The following BANP variants were observed in gnomAD, a reference collection of about 807,000 sequenced individuals.
BANP encodes the protein BTG3 associated nuclear protein, also known as protein BANP.
A neutral mutation model predicts 68.1 loss-of-function variants in BANP; 11 were observed. The ratio of observed to expected loss-of-function variants is 0.16; its 90% confidence interval spans 0.10 to 0.27. The LOEUF is 0.27. BANP is among the 10% of genes least tolerant of loss of function. The pLI is 1.00. For missense variants in BANP, 504 were observed against 722.7 expected (o/e 0.70, Z 3.47); for synonymous variants, 329 against 303.2 (o/e 1.09, Z -0.88).
At chr16:88,033,822 G>A (rs1021534382) in intron 9 of BANP, among the ~76,000 whole-genome samples, 5 of 152,196 alleles carry the variant, frequency 3.3e-5, no homozygotes, top group African/African-American at 1.2e-4. Flanking sequence ...AGCCTGATGC[G>A]CCTAGGGGCT....
In BANP at chr16:88,031,613, C is replaced by T. The variant is rs1297159656; in HGVS notation, c.1064-1496C>T. ...GCAGTGAGCCAAGGTCATACCACTA[C>T]ACTCCAGCCTGGGTGACAGAGCAAG... On this transcript the variant is annotated intron_variant, in intron 8 of 13. Transcript: ENST00000682872. Among the ~76,000 whole-genome samples the T allele has an allele frequency of 2.7e-5, 4 of 150,000 alleles. No individual in the cohort carries two copies. In the East Asian group the frequency reaches 7.8e-4, roughly 29 times the overall value.
rs1389975548 is a variant in BANP, at chr16:88,034,973, T to C, written c.1201-350T>C. 3.8e-5 allele frequency: 8 copies of C among 211,424 alleles called. No homozygotes were observed. In the East Asian group the frequency reaches 8.7e-4, roughly 23 times the overall value. 13.1% of individuals were successfully genotyped at this position (211,424 alleles called of 1,614,324 possible). On this transcript the variant is annotated intron_variant, in intron 9 of 13. Coordinates refer to ENST00000682872, the MANE Select transcript of BANP (RefSeq NM_001386991.1). Reference sequence around the variant, plus strand: ...ATGATGAAGTCTGGTCGTCCTGCTCTGTCCAGCCCGGGACGTGAGTCGTTC... The same window carrying C: ...ATGATGAAGTCTGGTCGTCCTGCTCCGTCCAGCCCGGGACGTGAGTCGTTC...
chr16:88,011,293 C>T (rs1297934248), intron 6 of BANP, among the ~76,000 whole-genome samples: 1 of 152,080 alleles, frequency 6.6e-6, no homozygotes, highest in Non-Finnish European at 1.5e-5. Flanking sequence ...CCACCACCTC[C>T]CCCACCCTGA....
rs957889019 is a variant in BANP at position 88,001,959 on chromosome 16, G to A, written c.363-2336G>A. ...AAAAAAAAAAACCTTCTGGATTGAA[G>A]GTTCAATCCAGATTTGTTCAACTAC... On this transcript the variant is annotated intron_variant, in intron 4 of 13. Coordinates refer to ENST00000682872, the MANE Select transcript of BANP (RefSeq NM_001386991.1). Among the ~76,000 whole-genome samples the A allele has an allele frequency of 3.3e-5, 5 of 152,034 alleles. No individual in the cohort carries two copies. The East Asian group carries it at 7.7e-4, about 23-fold the overall frequency.
Position 88,036,456 on chromosome 16 carries a change from C to T in BANP, c.1272+1062C>T, listed in dbSNP as rs1359271246. Among the ~76,000 whole-genome samples the T allele has an allele frequency of 1.3e-5, 2 of 152,122 alleles. No individual in the cohort carries two copies. Among genetic ancestry groups the T allele is most frequent in the Admixed American group, 6.5e-5 (1 of 15,282 alleles). ...CGGGGACTCACAGCGGGCGCAGAGC[C>T]TCCTGCCCAAGTGCCCGTGAGCAAG... On this transcript the variant is annotated intron_variant, in intron 10 of 13. Coordinates refer to ENST00000682872, the MANE Select transcript of BANP (RefSeq NM_001386991.1). The surrounding 1 kb of genome is among the most constrained non-coding windows in gnomAD (Gnocchi z 4.2).
At chr16:88,073,979 C>T (rs2091037936) in intron 13 of BANP, among the ~76,000 whole-genome samples, 1 of 152,334 alleles carries the variant, frequency 6.6e-6, no homozygotes, top group Admixed American at 6.5e-5. Context: ...TGCAGAAAAC[C>T]CCAGCGTGGT....
intron 11 of BANP, among the ~76,000 whole-genome samples, chr16:88,054,137 A>C (rs1249101574): frequency 2.3e-5 from 2 of 85,326 alleles, no homozygotes; most frequent in Non-Finnish European, 5.4e-5. Context: ...ACCTTAACAA[A>C]CACTACCACC....
chr16:88,017,954 C>A (rs989556072), intron 6 of BANP, among the ~76,000 whole-genome samples: 39 of 152,078 alleles, frequency 2.6e-4, no homozygotes, highest in Middle Eastern at 3.4e-3. Context: ...CGACGCCAGG[C>A]CGGCTGCTGA....
chr16:88,076,553 A>G (rs201016454), intron 13 of BANP, 37 bp from the exon 14 acceptor site: 106 of 1,595,320 alleles, frequency 6.6e-5, no homozygotes, highest in Non-Finnish European at 8.4e-5. Flanking sequence ...AGTGCTGGGT[A>G]TTTTTCTAGA....
intron 2 of BANP, among the ~76,000 whole-genome samples, chr16:87,975,805 G>A: frequency 6.8e-6 from 1 of 148,060 alleles, no homozygotes; most frequent in East Asian, 2.0e-4. Flanking sequence ...AATCCCCTGT[G>A]TGCGGCGTCA....
Position 87,991,009 on chromosome 16 carries a change from G to A in BANP, c.362+6750G>A, listed in dbSNP as rs1429193563. 2.6e-5 allele frequency among the ~76,000 whole-genome samples: 4 copies of A among 152,180 alleles called. No homozygotes were observed. The South Asian group carries it at 8.3e-4, about 32-fold the overall frequency. Reference sequence around the variant, plus strand: ...GATCTCCTGACCTCATGATCTGCCTGCCTCGGCCTCCCAAAGTATTGGGAT... The same window carrying A: ...GATCTCCTGACCTCATGATCTGCCTACCTCGGCCTCCCAAAGTATTGGGAT... On this transcript the variant is annotated intron_variant, in intron 4 of 13. Coordinates refer to ENST00000682872, the MANE Select transcript of BANP (RefSeq NM_001386991.1).
rs1340331090 is a variant in BANP, at chr16:88,002,859, A to G, written c.363-1436A>G. ...ATTAGGGGACTGTTGGCTTCTCAGC[A>G]GCACCGTCCTTCTTCAGTTGCTCAT... On this transcript the variant is annotated intron_variant, in intron 4 of 13. Transcript: ENST00000682872. This position sits in a 1 kb window ranked among gnomAD's most constrained non-coding sequence, Gnocchi z 4.6. Among the ~76,000 whole-genome samples, 1 of 152,230 alleles carries G rather than the reference A, an allele frequency of 6.6e-6. No homozygotes were observed.
chr16:88,070,464 G>A (rs1463372739), intron 12 of BANP, among the ~76,000 whole-genome samples: 2 of 152,158 alleles, frequency 1.3e-5, no homozygotes, highest in Non-Finnish European at 2.9e-5. Flanking sequence ...ACAAAATCCC[G>A]AGGCAGAAGG....
intron 11 of BANP, among the ~76,000 whole-genome samples, chr16:88,062,636 C>T (rs1329939875): frequency 1.3e-5 from 2 of 152,204 alleles, no homozygotes; most frequent in East Asian, 1.9e-4. Flanking sequence ...CAAGTTCAGC[C>T]GCAGGCCAGT....
chr16:87,982,242 T>C (rs1196324564), intron 3 of BANP, among the ~76,000 whole-genome samples: 1 of 152,246 alleles, frequency 6.6e-6, no homozygotes, highest in Non-Finnish European at 1.5e-5. Context: ...TGGCCCTGCC[T>C]TCCTCCTTGT....
At chr16:87,967,384 A>G (rs2060230506) in intron 1 of BANP, among the ~76,000 whole-genome samples, 1 of 151,636 alleles carries the variant, frequency 6.6e-6, no homozygotes, top group African/African-American at 2.4e-5. Flanking sequence ...CTGGGATTAC[A>G]AATGTGAGCC....
At chr16:87,966,815 G>A (rs1567602877) in intron 1 of BANP, 1 of 152,302 alleles carries the variant, frequency 6.6e-6, no homozygotes, top group African/African-American at 2.4e-5. Flanking sequence ...TGCACGTGGT[G>A]GGCTCCAGAA....
chr16:88,028,104 G>C (rs1198227726), intron 8 of BANP, among the ~76,000 whole-genome samples: 2 of 152,250 alleles, frequency 1.3e-5, no homozygotes, highest in Non-Finnish European at 2.9e-5. Flanking sequence ...TGCCTCTCAG[G>C]CATCGCTGGG....
At chr16:88,017,739 G>A (rs1211657461) in intron 6 of BANP, among the ~76,000 whole-genome samples, 1 of 152,248 alleles carries the variant, frequency 6.6e-6, no homozygotes, top group Non-Finnish European at 1.5e-5. Flanking sequence ...AGGTGTCTGG[G>A]CACCGTGTCT....
Sources: allele counts gnomAD v4.1 joint callset (sites outside exome capture counted in the v4.1 genomes callset), GRCh38; gene constraint gnomAD v4.1.1; non-coding constraint Gnocchi (gnomAD v3.1); transcripts MANE v1.5; gene names NCBI Gene and HGNC (gene_info 2026-07-23, HGNC 2026-07-21).